The following DUSP14 variants were observed in gnomAD, a reference collection of about 807,000 sequenced individuals.
The protein encoded by DUSP14 is dual specificity protein phosphatase 14.
In DUSP14, 5 loss-of-function variants were observed where a neutral mutation model predicts 13.2. That is an observed-to-expected ratio of 0.38 (90% confidence interval 0.20 to 0.80). DUSP14 has a LOEUF of 0.80. Ranked by LOEUF, DUSP14 falls within the 30% of genes least tolerant of loss-of-function variation. The probability of loss-of-function intolerance (pLI) is 0.44; values close to 1 mark genes in which losing one functional copy is unlikely to be tolerated. For missense variants in DUSP14, 185 were observed against 264.0 expected, an observed-to-expected ratio of 0.70 and a Z score of 2.07; for synonymous variants, 91 against 103.4, an observed-to-expected ratio of 0.88 and a Z score of 0.73.
intron 1 of DUSP14, among the ~76,000 whole-genome samples, chr17:37,493,430 T>G (rs1271382347): frequency 6.6e-6 from 1 of 152,236 alleles, no homozygotes; most frequent in African/African-American, 2.4e-5. Context: ...TGTACCAATT[T>G]ACATTCCTTC....
intron 1 of DUSP14, among the ~76,000 whole-genome samples, chr17:37,498,948 A>G (rs1421558592): frequency 6.6e-6 from 1 of 152,034 alleles, no homozygotes; most frequent in Non-Finnish European, 1.5e-5. Context: ...GCACACTTTG[A>G]AGAATGCGTC....
At chr17:37,489,782 T>A (rs1460595528), upstream of DUSP14, 7 of 140,310 alleles carry the variant, frequency 5.0e-5, no homozygotes, top group African/African-American at 7.8e-5. Context: ...CCGCCCCGCG[T>A]CGCGTCCCCC....
chr17:37,490,806 G>C (rs559254566), intron 1 of DUSP14, among the ~76,000 whole-genome samples: 138 of 152,090 alleles, frequency 9.1e-4, no homozygotes, highest in African/African-American at 3.2e-3. Context: ...AAGAGAGGGG[G>C]GTGGAGAGCG....
chr17:37,513,077 A>G lies in DUSP14; in HGVS notation c.*208A>G, dbSNP rs1307746782. On this transcript the variant is annotated 3_prime_UTR_variant, in exon 3 of 3. Coordinates refer to ENST00000617516, the MANE Select transcript of DUSP14 (RefSeq NM_007026.4). ...TGCTAGTCACATTTTTAAAATTAAC[A>G]TTTTGGAATAGTGTTTATGGAAATC... is the stretch of plus-strand genomic sequence containing the variant. 19 of 549,580 alleles carry G rather than the reference A, an allele frequency of 3.5e-5. No homozygotes were observed. The highest frequency in any genetic ancestry group is 6.9e-5 in the Admixed American group (2 of 29,182). The allele number at this position is 549,580 out of a possible 1,614,324, so 34.0% of individuals were successfully genotyped here.
chr17:37,492,176 A>C (rs1244693214), intron 1 of DUSP14, among the ~76,000 whole-genome samples: 1 of 152,220 alleles, frequency 6.6e-6, no homozygotes, highest in African/African-American at 2.4e-5. Flanking sequence ...AACAACTTCA[A>C]AGTAGTAGAA....
intron 1 of DUSP14, among the ~76,000 whole-genome samples, chr17:37,499,310 C>T (rs2054089820): frequency 6.6e-6 from 1 of 152,094 alleles, no homozygotes; most frequent in African/African-American, 2.4e-5. Flanking sequence ...CTAACCATAT[C>T]AGTTGGCAAA....
In DUSP14 at chr17:37,505,635, C is replaced by CT. The variant is rs35707292; in HGVS notation, c.-180-5020dup. Among the ~76,000 whole-genome samples, 662 of 120,938 alleles carry CT rather than the reference C, an allele frequency of 5.5e-3. 5 individuals are homozygous for CT. Among genetic ancestry groups the CT allele is most frequent in the African/African-American group, 0.014 (455 of 32,174 alleles). 79.3% of individuals were successfully genotyped at this position (120,938 alleles called of 152,430 possible). ...AACTGCTGATTCTGGTGGTTGTCAT[C>CT]TTTTTTTTTTTTTTTTTTTTTTAAA... On this transcript the variant is annotated intron_variant, in intron 1 of 2. Coordinates refer to ENST00000617516, the MANE Select transcript of DUSP14 (RefSeq NM_007026.4).
chr17:37,489,346 C>A (rs554228398), upstream of DUSP14, among the ~76,000 whole-genome samples: 1 of 152,074 alleles, frequency 6.6e-6, no homozygotes, highest in Non-Finnish European at 1.5e-5. Context: ...CACGGCTGCC[C>A]GTACCTGTTC....
At chr17:37,496,990 T>C (rs916368988) in intron 1 of DUSP14, among the ~76,000 whole-genome samples, 3 of 151,392 alleles carry the variant, frequency 2.0e-5, no homozygotes, top group African/African-American at 7.3e-5. Flanking sequence ...CATTCAAAAA[T>C]CATTGCTCAT....
At chr17:37,490,065 G>C (rs2054016266) in intron 1 of DUSP14, 107 bp downstream of exon 1, 1 of 151,264 alleles carries the variant, frequency 6.6e-6, no homozygotes, top group Non-Finnish European at 1.5e-5. Context: ...GGGACCCAGA[G>C]GCCCGCGCGA....
Position 37,512,549 on chromosome 17 carries a change from G to A in DUSP14, c.277G>A (p.Val93Met), listed in dbSNP as rs763542994. 6.2e-7 allele frequency: 1 copy of A among 1,614,176 alleles called. No individual in the cohort carries two copies. Residue 93 changes from valine to methionine, a missense_variant, in exon 3 of 3, where the codon GTG becomes ATG. Val to Met is a conservative substitution (Grantham distance 21). Coordinates refer to ENST00000617516, the MANE Select transcript of DUSP14 (RefSeq NM_007026.4). The surrounding 1 kb of genome is among the most constrained non-coding windows in gnomAD (Gnocchi z 4.8). ...CCCCATTGGACTGTACTTTGACACCGTGGCTGACAAGATCCACAGTGTGAG... is the reference window on the plus strand; with the variant it reads ...CCCCATTGGACTGTACTTTGACACCATGGCTGACAAGATCCACAGTGTGAG... ...HAPIGLYFDTVADKIHSVSRK... is the reference protein window; with the variant it reads ...HAPIGLYFDTMADKIHSVSRK...
rs573611836 is a variant in DUSP14 at position 37,509,773 on chromosome 17, A to AG, written c.-180-899dup. On this transcript the variant is annotated intron_variant, in intron 1 of 2. Transcript: ENST00000617516. ...TATTAAAAAAAATGAGGAAATTTTG[A>AG]GGGGGATGATGGATGTGTTTATTAT... is the stretch of plus-strand genomic sequence containing the variant. 9.2e-5 allele frequency: 14 copies of AG among 152,222 alleles called. No individual in the cohort carries two copies. In the East Asian group the frequency reaches 2.7e-3, roughly 29 times the overall value. The allele number at this position is 152,222 out of a possible 1,614,324, so 9.4% of individuals were successfully genotyped here.
At chr17:37,509,272 TATATATATATATATATATATATATAG>T in intron 1 of DUSP14, among the ~76,000 whole-genome samples, 1 of 29,014 alleles carries the variant, frequency 3.4e-5, no homozygotes, top group South Asian at 1.6e-3. Flanking sequence ...TATATATATA[TATATATATATATATATATATATATAG>T]TGTGTGTGTG....
At chr17:37,509,262 T>C (rs1435910008) in intron 1 of DUSP14, among the ~76,000 whole-genome samples, 1 of 27,000 alleles carries the variant, frequency 3.7e-5, no homozygotes, top group African/African-American at 1.3e-4. Flanking sequence ...TATATATATA[T>C]ATATATATAT....
chr17:37,503,497 G>C (rs1379407432), intron 1 of DUSP14, among the ~76,000 whole-genome samples: 1 of 152,172 alleles, frequency 6.6e-6, no homozygotes, highest in African/African-American at 2.4e-5. Flanking sequence ...GGCCATCTCT[G>C]GTGAATACAT....
Position 37,512,497 on chromosome 17 carries a change from A to G in DUSP14, c.225A>G (p.Lys75=). The G allele has an allele frequency of 6.2e-7, 1 of 1,614,202 alleles. No homozygotes were observed. The highest frequency in any genetic ancestry group is 8.5e-7 in the Non-Finnish European group (1 of 1,180,038). ...NFNWPQFEYV[K]VPLADMPHAP... ...ACTGGCCCCAATTTGAGTATGTTAA[A>G]GTGCCTCTGGCTGACATGCCGCATG... Residue 75 remains lysine (K), a synonymous_variant, in exon 3 of 3, where the codon AAA becomes AAG. Coordinates refer to ENST00000617516, the MANE Select transcript of DUSP14 (RefSeq NM_007026.4). This position sits in a 1 kb window ranked among gnomAD's most constrained non-coding sequence, Gnocchi z 4.8.
At chr17:37,490,691 C>T (rs578041789) in intron 1 of DUSP14, among the ~76,000 whole-genome samples, 23 of 148,912 alleles carry the variant, frequency 1.5e-4, no homozygotes, top group Middle Eastern at 3.5e-3. Context: ...GCAGTTTTAC[C>T]ATGCAGAGAT....
intron 1 of DUSP14, among the ~76,000 whole-genome samples, chr17:37,492,773 C>T (rs2054037419): frequency 6.6e-6 from 1 of 152,158 alleles, no homozygotes; most frequent in South Asian, 2.1e-4. Flanking sequence ...ATAAGTGTAA[C>T]TGTCTTGCAG....
rs1329764853 is a variant in DUSP14 at position 37,511,937 on chromosome 17, A to AGTTTTTTTTTTTTTTTTTTTTT, written c.-92-244_-92-243insGTTTTTTTTTTTTTTTTTTTTT. Among the ~76,000 whole-genome samples the AGTTTTTTTTTTTTTTTTTTTTT allele has an allele frequency of 3.1e-3, 51 of 16,430 alleles. 7 individuals carry two copies. Among genetic ancestry groups the AGTTTTTTTTTTTTTTTTTTTTT allele is most frequent in the Non-Finnish European group, 3.4e-3 (29 of 8,652 alleles). The allele number at this position is 16,430 out of a possible 152,430, so 10.8% of individuals were successfully genotyped here. ...TGCCCAGCCACCCCCCCCCCACCCC[A>AGTTTTTTTTTTTTTTTTTTTTT]CTTTTTTTTTTTTTTTTTTGGACAA... On this transcript the variant is annotated intron_variant, in intron 2 of 2. Transcript: ENST00000617516.
Sources: gnomAD v4.1 joint callset for allele counts (sites outside exome capture counted in the v4.1 genomes callset) on GRCh38, gnomAD v4.1.1 for gene constraint, Gnocchi (gnomAD v3.1) non-coding constraint, MANE v1.5 for transcripts, NCBI Gene and HGNC (gene_info 2026-07-23, HGNC 2026-07-21) for gene names.